UCKL1: variants seen among roughly 807,000 people sequenced by gnomAD.
UCKL1 encodes the protein uridine-cytidine kinase-like 1.
Under a neutral mutation model 59.2 loss-of-function variants are expected in UCKL1, and 65 were observed. The observed-to-expected ratio is 1.10, with a 90% confidence interval of 0.90 to 1.35. UCKL1 has a LOEUF of 1.35. Among genes scored for constraint, UCKL1 ranks in the 40% most tolerant of loss-of-function variants. UCKL1 has a pLI of 0.00. For synonymous variants in UCKL1, 410 were observed against 323.1 expected (o/e 1.27, Z -2.88); for missense variants, 703 against 784.3 (o/e 0.90, Z 1.24).
intron 7 of UCKL1, 85 bp downstream of exon 7, chr20:63,944,312 T>C: frequency 2.2e-6 from 3 of 1,349,354 alleles, no homozygotes; most frequent in Non-Finnish European, 2.0e-6. Context: ...GGGGATGAGG[T>C]GACCAGGCCA....
At position 63,945,858 on chromosome 20, in the gene UCKL1, T is replaced by C. The variant is rs1274123383; in HGVS notation, c.529A>G (p.Ser177Gly). Reference sequence around the variant, plus strand: ...AAGTCATAAATGGGCACCTTGACACTCTTCCCCTGCTTCAGCTTCTTGAGG... The same window carrying C: ...AAGTCATAAATGGGCACCTTGACACCCTTCCCCTGCTTCAGCTTCTTGAGG... ...STLKKLKQGKSVKVPIYDFTT... is the reference protein window; with the variant it reads ...STLKKLKQGKGVKVPIYDFTT... Residue 177 changes from serine (S) to glycine (G), a missense_variant, in exon 4 of 15, where the codon AGT becomes GGT. By Grantham distance (56) the Ser-to-Gly change is moderately conservative. Transcript: ENST00000354216. 6 of 1,613,664 alleles carry C rather than the reference T, an allele frequency of 3.7e-6. No individual in the cohort carries two copies. The highest frequency in any genetic ancestry group is 5.1e-6 in the Non-Finnish European group (6 of 1,179,992).
chr20:63,946,027 A>T (rs548987088), intron 3 of UCKL1, 52 bp from the exon 4 acceptor site: 1 of 1,611,506 alleles, frequency 6.2e-7, no homozygotes, highest in East Asian at 2.2e-5. Context: ...CCCTCACCCA[A>T]TGCCAGCGGA....
chr20:63,942,283 A>G (rs113363637), intron 8 of UCKL1: 2 of 134,222 alleles, frequency 1.5e-5, no homozygotes, highest in African/African-American at 4.1e-5. Context: ...CAGGGCAGAA[A>G]AGAGGCGTGA....
rs1472244604 is a variant in UCKL1, at chr20:63,940,140, G to C, written c.1567+10C>G. 6.2e-7 allele frequency: 1 copy of C among 1,612,518 alleles called. No homozygotes were observed. Among genetic ancestry groups the C allele is most frequent in the Non-Finnish European group, 8.5e-7 (1 of 1,179,944 alleles). On this transcript the variant is annotated intron_variant, in intron 14 of 14. Coordinates refer to ENST00000354216, the MANE Select transcript of UCKL1 (RefSeq NM_017859.4). ...CCTCATGTGCGGCTGAAGGGCCCGG[G>C]CAGCCTCACCAATGCCTGGGATGAT...
chr20:63,949,066 G>A (rs900898884), intron 1 of UCKL1, among the ~76,000 whole-genome samples: 2 of 152,170 alleles, frequency 1.3e-5, no homozygotes, highest in Non-Finnish European at 2.9e-5. Context: ...GAGACCCGCC[G>A]TCTGCACCTG....
chr20:63,942,670 C>A (rs761602602), intron 8 of UCKL1: 1 of 506,170 alleles, frequency 2.0e-6, no homozygotes, highest in Non-Finnish European at 4.1e-6. Flanking sequence ...CTCCTGCCCC[C>A]GACCAAGGCT....
chr20:63,954,917 C>T (rs1266785006), intron 1 of UCKL1: 1 of 152,288 alleles, frequency 6.6e-6, no homozygotes, highest in Non-Finnish European at 1.5e-5. Context: ...GCTCTCAGTG[C>T]TTATCTAGCG....
At chr20:63,942,433 C>T (rs1205081140) in intron 8 of UCKL1, 5 of 1,169,258 alleles carry the variant, frequency 4.3e-6, no homozygotes, top group East Asian at 6.7e-5. Flanking sequence ...TACGGGAAGG[C>T]GGGTCACACA....
chr20:63,945,389 A>G (rs984429796), intron 5 of UCKL1, among the ~76,000 whole-genome samples: 2 of 152,226 alleles, frequency 1.3e-5, no homozygotes, highest in Non-Finnish European at 2.9e-5. Flanking sequence ...AGGGACGAGA[A>G]CGCCAAGGAC....
At chr20:63,944,837 C>T in intron 5 of UCKL1, 103 bp from the exon 6 acceptor site, 1 of 1,408,032 alleles carries the variant, frequency 7.1e-7, no homozygotes, top group Non-Finnish European at 9.6e-7. Flanking sequence ...TGGGCCTGGC[C>T]AGAGCCACTT....
chr20:63,948,601 G>C, intron 1 of UCKL1: 1 of 73,952 alleles, frequency 1.4e-5, no homozygotes, highest in Non-Finnish European at 3.0e-5. Flanking sequence ...GGGAGGGGGC[G>C]TGTGTGAGAG....
intron 8 of UCKL1, among the ~76,000 whole-genome samples, chr20:63,942,883 G>A (rs1010303577): frequency 1.3e-5 from 2 of 152,194 alleles, no homozygotes; most frequent in Non-Finnish European, 2.9e-5. Flanking sequence ...GCCAAGCGGA[G>A]ACTCATGCAG....
chr20:63,948,850 C>G (rs767604662), intron 1 of UCKL1, among the ~76,000 whole-genome samples: 1 of 151,888 alleles, frequency 6.6e-6, no homozygotes, highest in Non-Finnish European at 1.5e-5. Context: ...TAAACCAAAC[C>G]GTAGTCTGTC....
intron 8 of UCKL1, 131 bp from the exon 9 acceptor site, chr20:63,941,339 C>G (rs1047726185): frequency 7.3e-7 from 1 of 1,368,408 alleles, no homozygotes; most frequent in African/African-American, 1.5e-5. Context: ...CAGAGCGGGC[C>G]TGACTTCTGC....
intron 1 of UCKL1, chr20:63,955,935 C>T (rs994168820): frequency 4.4e-5 from 10 of 225,150 alleles, no homozygotes; most frequent in African/African-American, 2.1e-4. Context: ...CCAACTCGCA[C>T]AGTCGAGCAG....
At chr20:63,955,879 G>C (rs894092878) in intron 1 of UCKL1, 8 of 164,452 alleles carry the variant, frequency 4.9e-5, no homozygotes, top group African/African-American at 1.9e-4. Flanking sequence ...CCTAAGCCCT[G>C]GCCTCGCGGG....
In UCKL1 at chr20:63,946,776, G is replaced by C. The variant is rs561313203; in HGVS notation, c.114-133C>G. 35 of 919,278 alleles carry C rather than the reference G, an allele frequency of 3.8e-5. No individual in the cohort carries two copies. In the South Asian group the frequency reaches 5.9e-4, roughly 15 times the overall value. 56.9% of individuals were successfully genotyped at this position (919,278 alleles called of 1,614,324 possible). A position where few individuals can be genotyped will look rare whatever the true frequency, so the allele number is the denominator to read the frequency against. On this transcript the variant is annotated intron_variant, in intron 1 of 14. Transcript: ENST00000354216. ...GCTGAGGCGGGCAGGCTCATTGGGG[G>C]TACATAAGAACTCTGCCTGGGCTGG...
At chr20:63,947,585 C>T (rs780809515) in intron 1 of UCKL1, among the ~76,000 whole-genome samples, 6 of 152,362 alleles carry the variant, frequency 3.9e-5, no homozygotes, top group South Asian at 2.1e-4. Context: ...CACAGTGCCT[C>T]GGCCTGGCCT....
intron 1 of UCKL1, chr20:63,948,349 A>G (rs1010027144): frequency 2.6e-5 from 4 of 151,838 alleles, no homozygotes; most frequent in Non-Finnish European, 5.9e-5. Flanking sequence ...CAGTCTGTCC[A>G]CCGCGCTCCG....
Sources: gnomAD v4.1 joint callset for allele counts (sites outside exome capture counted in the v4.1 genomes callset) on GRCh38, gnomAD v4.1.1 for gene constraint, MANE v1.5 for transcripts, NCBI Gene and HGNC (gene_info 2026-07-23, HGNC 2026-07-21) for gene names.